The following IRGM variants were observed in gnomAD, a reference collection of about 807,000 sequenced individuals.
IRGM encodes immunity-related GTPase family M protein.
For synonymous variants in IRGM, 98 were observed against 80.6 expected (o/e 1.22, Z -1.16); for missense variants, 288 against 219.9 (o/e 1.31, Z -1.96).
At chr5:150,899,573 T>C (rs1163896737) in intron 3 of IRGM, among the ~76,000 whole-genome samples, 2 of 152,030 alleles carry the variant, frequency 1.3e-5, no homozygotes, top group African/African-American at 4.8e-5. Flanking sequence ...ATAGAATGAA[T>C]ATACCAATTA....
intron 1 of IRGM, among the ~76,000 whole-genome samples, chr5:150,872,057 TTTTCACCTGAG>T (rs1347213562): frequency 1.3e-5 from 2 of 152,246 alleles, no homozygotes; most frequent in African/African-American, 4.8e-5. Flanking sequence ...TGCTATTTGA[TTTTCACCTGAG>T]TTATTTCCTT....
At chr5:150,900,675 A>T (rs2113026915) in exon 4 of IRGM, 1 of 152,218 alleles carries the variant, frequency 6.6e-6, no homozygotes, top group Non-Finnish European at 1.5e-5. Context: ...TACTTAAGAA[A>T]CGTTTGTTAA....
At chr5:150,864,146 A>G (rs1373589332) in intron 1 of IRGM, among the ~76,000 whole-genome samples, 6 of 152,042 alleles carry the variant, frequency 3.9e-5, no homozygotes, top group African/African-American at 1.5e-4. Context: ...AAAGGGCTAC[A>G]GGACAAAATC....
chr5:150,875,934 C>T (rs895837400), intron 1 of IRGM, among the ~76,000 whole-genome samples: 1 of 152,210 alleles, frequency 6.6e-6, no homozygotes, highest in African/African-American at 2.4e-5. Flanking sequence ...TTTGCCTATC[C>T]TGTGTACAAT....
chr5:150,847,746 A>C lies in IRGM; in HGVS notation c.-378A>C. On this transcript the variant is annotated 5_prime_UTR_variant, in exon 2 of 2. Transcript: ENST00000522154. Reference sequence around the variant, plus strand: ...CCCACAGATACGACAGAGTGTCCCAAGTGCCCCTCACACTCTATTAGCTGC... The same window carrying C: ...CCCACAGATACGACAGAGTGTCCCACGTGCCCCTCACACTCTATTAGCTGC... The C allele has an allele frequency of 4.9e-6, 1 of 202,210 alleles. No homozygotes were observed. Among genetic ancestry groups the C allele is most frequent in the Non-Finnish European group, 1.0e-5 (1 of 97,698 alleles). The allele number at this position is 202,210 out of a possible 1,614,324, so 12.5% of individuals were successfully genotyped here. A position where few individuals can be genotyped will look rare whatever the true frequency, so the allele number is the denominator to read the frequency against.
At chr5:150,872,812 A>C (rs1295173023) in intron 1 of IRGM, among the ~76,000 whole-genome samples, 1 of 152,194 alleles carries the variant, frequency 6.6e-6, no homozygotes, top group African/African-American at 2.4e-5. Context: ...AGGGATCAAA[A>C]GGCTTAGGAA....
At chr5:150,879,901 G>A (rs892403114) in intron 3 of IRGM, among the ~76,000 whole-genome samples, 3 of 152,128 alleles carry the variant, frequency 2.0e-5, no homozygotes, top group African/African-American at 7.2e-5. Flanking sequence ...AGACTAAGGT[G>A]TGTCTTAAAC....
chr5:150,863,831 T>G (rs943429371), intron 1 of IRGM, among the ~76,000 whole-genome samples: 2 of 152,204 alleles, frequency 1.3e-5, no homozygotes, highest in African/African-American at 4.8e-5. Context: ...GTTCTTGACA[T>G]GTAATCAGTA....
chr5:150,896,329 T>C (rs376309794), intron 3 of IRGM: 8 of 1,613,580 alleles, frequency 5.0e-6, no homozygotes, highest in Non-Finnish European at 6.8e-6. Context: ...CTGAAGGCTT[T>C]TCCGCATGCA....
rs547914659 is a variant in IRGM at position 150,896,436 on chromosome 5, C to T, written c.*141-4153C>T. On this transcript the variant is annotated intron_variant and NMD_transcript_variant, in intron 3 of 3. Coordinates refer to the IRGM transcript ENST00000520549. ...TTTTCCACATGTAACACATACACAG[C>T]TTTTCTCTTTAGTTTCCACATTCTG... 1.0e-4 allele frequency: 166 copies of T among 1,613,604 alleles called. 2 individuals are homozygous for T. The South Asian group carries it at 1.8e-3, about 17-fold the overall frequency.
intron 3 of IRGM, among the ~76,000 whole-genome samples, chr5:150,887,483 G>A (rs931558473): frequency 2.6e-5 from 4 of 151,792 alleles, no homozygotes; most frequent in African/African-American, 7.3e-5. Flanking sequence ...ATTCTTCAAA[G>A]GGAGGAAGCA....
In IRGM at chr5:150,888,768, C is replaced by T. The variant is rs187266069; in HGVS notation, c.*140+9122C>T. 3.6e-4 allele frequency among the ~76,000 whole-genome samples: 54 copies of T among 152,096 alleles called. No homozygotes were observed. In the East Asian group the frequency reaches 8.1e-3, roughly 23 times the overall value. The stretch of plus-strand genomic sequence containing the variant: ...CTAATGAAAACGAAGATACAACATA[C>T]CAGAATCTCTGAGACACAGCTAAGG... On this transcript the variant is annotated intron_variant and NMD_transcript_variant, in intron 3 of 3. Transcript: ENST00000520549.
At chr5:150,857,366 A>G (rs1009356963) in intron 1 of IRGM, among the ~76,000 whole-genome samples, 1 of 152,130 alleles carries the variant, frequency 6.6e-6, no homozygotes, top group South Asian at 2.1e-4. Context: ...AGTCTTTGCT[A>G]TTGTGAATAG....
At chr5:150,863,327 A>G (rs1050496090) in intron 1 of IRGM, among the ~76,000 whole-genome samples, 13 of 152,240 alleles carry the variant, frequency 8.5e-5, no homozygotes, top group African/African-American at 3.1e-4. Context: ...TATCTAAAAG[A>G]AGGGAGCTCA....
intron 1 of IRGM, among the ~76,000 whole-genome samples, chr5:150,857,121 C>T (rs1463325325): frequency 6.6e-6 from 1 of 151,732 alleles, no homozygotes; most frequent in Non-Finnish European, 1.5e-5. Context: ...GTGATGTTCC[C>T]CTTCCTGTGT....
intron 3 of IRGM, chr5:150,896,919 A>C (rs748770249): frequency 6.2e-7 from 1 of 1,613,334 alleles, no homozygotes; most frequent in Admixed American, 1.7e-5. Flanking sequence ...CTTATGATGG[A>C]AGGAAACTGT....
At chr5:150,868,726 T>C (rs1048251020) in intron 1 of IRGM, among the ~76,000 whole-genome samples, 25 of 152,074 alleles carry the variant, frequency 1.6e-4, no homozygotes, top group African/African-American at 6.0e-4. Flanking sequence ...GTTTTGTTGT[T>C]GTTTTTGTTT....
In IRGM at chr5:150,846,686, C is replaced by T. The variant is rs909811152; in HGVS notation, c.-950C>T. The T allele has an allele frequency of 7.1e-6, 1 of 141,710 alleles. No homozygotes were observed. Among genetic ancestry groups the T allele is most frequent in the South Asian group, 2.2e-4 (1 of 4,512 alleles). 8.8% of individuals were successfully genotyped at this position (141,710 alleles called of 1,614,324 possible). On this transcript the variant is annotated 5_prime_UTR_variant, in exon 1 of 2. Transcript: ENST00000522154. Reference sequence around the variant, plus strand: ...TCCTGAAACCTGTGAAACAACGAACCCCCCGGGGAGAAACGAACAACTCCA... The same window carrying T: ...TCCTGAAACCTGTGAAACAACGAACTCCCCGGGGAGAAACGAACAACTCCA...
chr5:150,850,359 T>C (rs906583225), downstream of IRGM, among the ~76,000 whole-genome samples: 1 of 152,222 alleles, frequency 6.6e-6, no homozygotes, highest in Non-Finnish European at 1.5e-5. Context: ...GAGGTCTTCA[T>C]ATACTGATAT....
Sources: allele counts gnomAD v4.1 joint callset (sites outside exome capture counted in the v4.1 genomes callset), GRCh38; gene constraint gnomAD v4.1.1; transcripts MANE v1.5; gene names NCBI Gene and HGNC (gene_info 2026-07-23, HGNC 2026-07-21).